Variants in LRRTM4 observed in about 807,000 individuals in gnomAD.
The protein encoded by LRRTM4 is leucine rich repeat transmembrane neuronal 4.
In LRRTM4, 25 loss-of-function variants were observed where a neutral mutation model predicts 47.6. That is an observed-to-expected ratio of 0.53 (90% CI 0.38 to 0.73). The LOEUF (loss-of-function observed/expected upper bound fraction) is 0.73, where lower values mean the gene tolerates loss of function less well. Among genes scored for constraint, LRRTM4 ranks in the 30% least tolerant of loss-of-function variants. LRRTM4 has a pLI of 0.00. For missense variants in LRRTM4, 638 were observed against 713.4 expected (o/e 0.89, Z 1.20); for synonymous variants, 311 against 269.5 (o/e 1.15, Z -1.51).
rs1204320688 is a variant in LRRTM4 at position 76,966,833 on chromosome 2, CTG to C, written c.1552-217919_1552-217918del. Among the ~76,000 whole-genome samples the C allele has an allele frequency of 3.4e-4, 52 of 151,570 alleles. 1 individual carries two copies. In the Admixed American group the frequency reaches 3.4e-3, roughly 10 times the overall value. On this transcript the variant is annotated intron_variant, in intron 3 of 3. Coordinates refer to ENST00000409884, the MANE Select transcript of LRRTM4 (RefSeq NM_001134745.3). ...CTTTGGGGATTCTTAATAACATTCTCTGTGGATTTTGCTTCTACCTCTCTGAC... is the reference window on the plus strand; with the variant it reads ...CTTTGGGGATTCTTAATAACATTCTCTGGATTTTGCTTCTACCTCTCTGAC...
intron 3 of LRRTM4, among the ~76,000 whole-genome samples, chr2:77,334,301 G>C (rs577176886): frequency 6.6e-6 from 1 of 152,196 alleles, no homozygotes. Flanking sequence ...GAGGAAATGA[G>C]ATTTAGGAGT....
chr2:77,506,135 T>C (rs1419562899), intron 3 of LRRTM4, among the ~76,000 whole-genome samples: 2 of 151,562 alleles, frequency 1.3e-5, no homozygotes, highest in African/African-American at 4.8e-5. Context: ...AAAGAGTGAA[T>C]CCTTGAGTGG....
intron 3 of LRRTM4, among the ~76,000 whole-genome samples, chr2:77,377,126 A>G (rs749181512): frequency 6.6e-6 from 1 of 151,846 alleles, no homozygotes; most frequent in African/African-American, 2.4e-5. Context: ...CCTGTATCCC[A>G]CTGAGATGTC....
At chr2:76,755,664 A>G (rs1673003926) in intron 3 of LRRTM4, among the ~76,000 whole-genome samples, 2 of 152,146 alleles carry the variant, frequency 1.3e-5, no homozygotes, top group African/African-American at 4.8e-5. Flanking sequence ...AAAAATGCAG[A>G]GTTTTGAGCA....
chr2:77,125,305 A>G (rs1671625083), intron 3 of LRRTM4, among the ~76,000 whole-genome samples: 1 of 152,168 alleles, frequency 6.6e-6, no homozygotes, highest in Non-Finnish European at 1.5e-5. Context: ...CTCTTTCTAT[A>G]ATTGTATATG....
chr2:76,775,493 G>A (rs1050822561), intron 3 of LRRTM4, among the ~76,000 whole-genome samples: 4 of 152,130 alleles, frequency 2.6e-5, no homozygotes, highest in Non-Finnish European at 4.4e-5. Flanking sequence ...TTATATACTG[G>A]AAAGGTATTT....
At chr2:77,191,898 C>T (rs907160181) in intron 3 of LRRTM4, among the ~76,000 whole-genome samples, 1 of 151,968 alleles carries the variant, frequency 6.6e-6, no homozygotes, top group African/African-American at 2.4e-5. Flanking sequence ...TATAGCTCCA[C>T]CCCTAAACTT....
intron 3 of LRRTM4, among the ~76,000 whole-genome samples, chr2:77,309,096 G>A (rs186182836): frequency 1.1e-4 from 17 of 152,278 alleles, no homozygotes; most frequent in Admixed American, 7.9e-4. Flanking sequence ...AATAATGTGA[G>A]TTAGAAATAA....
At chr2:77,338,249 A>G (rs1671237599) in intron 3 of LRRTM4, among the ~76,000 whole-genome samples, 1 of 152,112 alleles carries the variant, frequency 6.6e-6, no homozygotes. Flanking sequence ...ATGGCACCGT[A>G]TTCAACTAAA....
chr2:76,755,407 AT>A (rs1435729815), intron 3 of LRRTM4, among the ~76,000 whole-genome samples: 1 of 152,144 alleles, frequency 6.6e-6, no homozygotes, highest in Non-Finnish European at 1.5e-5. Flanking sequence ...CTGATCTGTG[AT>A]TACTAACTCC....
intron 3 of LRRTM4, among the ~76,000 whole-genome samples, chr2:76,801,752 C>G (rs559662006): frequency 6.6e-6 from 1 of 152,036 alleles, no homozygotes; most frequent in East Asian, 1.9e-4. Flanking sequence ...AATTCAATAG[C>G]ACATTAAAAG....
rs1371794396 is a variant in LRRTM4, at chr2:77,026,109, A to G, written c.1552-277193T>C. Among the ~76,000 whole-genome samples, 3 of 152,196 alleles carry G rather than the reference A, an allele frequency of 2.0e-5. No homozygotes were observed. The East Asian group carries it at 5.8e-4, about 29-fold the overall frequency. The stretch of plus-strand genomic sequence containing the variant: ...TTCTTTGCCTTGGGTAAGTAATTTT[A>G]CTAGGGACTAAATGAAACCAGACCA... On this transcript the variant is annotated intron_variant, in intron 3 of 3. Coordinates refer to ENST00000409884, the MANE Select transcript of LRRTM4 (RefSeq NM_001134745.3).
At chr2:76,899,819 C>A (rs1266890872) in intron 3 of LRRTM4, among the ~76,000 whole-genome samples, 1 of 152,162 alleles carries the variant, frequency 6.6e-6, no homozygotes, top group Non-Finnish European at 1.5e-5. Flanking sequence ...ATAGTTAGAT[C>A]TATGAGAGCT....
intron 3 of LRRTM4, among the ~76,000 whole-genome samples, chr2:77,163,153 A>C (rs554863861): frequency 6.6e-6 from 1 of 152,334 alleles, no homozygotes; most frequent in African/African-American, 2.4e-5. Context: ...GGAGCTGAAA[A>C]CCATGGCACG....
chr2:77,284,023 CAAAT>C (rs1253499657), intron 3 of LRRTM4, among the ~76,000 whole-genome samples: 1 of 151,952 alleles, frequency 6.6e-6, no homozygotes, highest in African/African-American at 2.4e-5. Context: ...AAATAGGAAA[CAAAT>C]AGAGCATCTC....
chr2:77,196,336 T>C (rs902635823), intron 3 of LRRTM4, among the ~76,000 whole-genome samples: 3 of 152,180 alleles, frequency 2.0e-5, no homozygotes, highest in East Asian at 1.9e-4. Flanking sequence ...AGTATTCTTC[T>C]AGTTATTTGA....
At chr2:76,977,117 C>A (rs1676448876) in intron 3 of LRRTM4, among the ~76,000 whole-genome samples, 1 of 151,472 alleles carries the variant, frequency 6.6e-6, no homozygotes, top group African/African-American at 2.4e-5. Context: ...CTGGCCTCTT[C>A]CCTTGGGTTT....
chr2:76,927,969 C>A (rs1336134339), intron 3 of LRRTM4, among the ~76,000 whole-genome samples: 1 of 152,134 alleles, frequency 6.6e-6, no homozygotes, highest in Non-Finnish European at 1.5e-5. Flanking sequence ...CGCAATTACA[C>A]TGAAATGATT....
intron 3 of LRRTM4, among the ~76,000 whole-genome samples, chr2:77,342,975 T>C (rs1332285857): frequency 6.6e-6 from 1 of 151,998 alleles, no homozygotes; most frequent in African/African-American, 2.4e-5. Context: ...CTTTAGCTTT[T>C]GTCAAAAGAC....
Sources: gnomAD v4.1 joint callset for allele counts (sites outside exome capture counted in the v4.1 genomes callset) on GRCh38, gnomAD v4.1.1 for gene constraint, MANE v1.5 for transcripts, NCBI Gene and HGNC (gene_info 2026-07-23, HGNC 2026-07-21) for gene names.